Variants in PHACTR1 observed in about 807,000 individuals in gnomAD.
PHACTR1 encodes the protein RPEL repeat containing 1.
Under a neutral mutation model 69.2 loss-of-function variants are expected in PHACTR1, and 16 were observed. The observed-to-expected ratio is 0.23, with a 90% CI of 0.16 to 0.35. PHACTR1 has a LOEUF of 0.35. PHACTR1 is among the 10% of genes least tolerant of loss of function. PHACTR1 has a pLI of 1.00. For missense variants in PHACTR1, 510 were observed against 734.7 expected (o/e 0.69, Z 3.54); for synonymous variants, 312 against 284.5 (o/e 1.10, Z -0.97).
chr6:12,858,791 A>G (rs1302084172), intron 4 of PHACTR1, among the ~76,000 whole-genome samples: 3 of 140,750 alleles, frequency 2.1e-5, no homozygotes, highest in African/African-American at 5.1e-5. Context: ...CTTAAAAAAA[A>G]GAGCCAACAC....
At chr6:12,920,002 A>G (rs1787462688) in intron 4 of PHACTR1, among the ~76,000 whole-genome samples, 1 of 152,194 alleles carries the variant, frequency 6.6e-6, no homozygotes, top group Non-Finnish European at 1.5e-5. Context: ...TTCATCTTCA[A>G]AACATTGTAA....
At chr6:13,249,752 T>C (rs1001064420) in intron 10 of PHACTR1, among the ~76,000 whole-genome samples, 1 of 147,990 alleles carries the variant, frequency 6.8e-6, no homozygotes, top group Admixed American at 6.9e-5. Flanking sequence ...TGAGCCAAGA[T>C]TGCACCACTG....
chr6:12,935,768 T>G (rs1166383713), intron 4 of PHACTR1, among the ~76,000 whole-genome samples: 1 of 152,120 alleles, frequency 6.6e-6, no homozygotes, highest in East Asian at 1.9e-4. Flanking sequence ...TCTTATTGTA[T>G]TTCCATCTAA....
chr6:13,283,775 G>A lies in PHACTR1; in HGVS notation c.1650+213G>A. 1 of 647,424 alleles carries A rather than the reference G, an allele frequency of 1.5e-6. No individual in the cohort carries two copies. The highest frequency in any genetic ancestry group is 2.6e-6 in the Non-Finnish European group (1 of 386,534). The allele number at this position is 647,424 out of a possible 1,614,324, so 40.1% of individuals were successfully genotyped here. Reference sequence around the variant, plus strand: ...GAGAAAACACAAGGCACATAATACTGTGCCCATTTTACAGGAGGAGGAGCA... The same window carrying A: ...GAGAAAACACAAGGCACATAATACTATGCCCATTTTACAGGAGGAGGAGCA... On this transcript the variant is annotated intron_variant, in intron 13 of 14. Coordinates refer to ENST00000332995, the MANE Select transcript of PHACTR1 (RefSeq NM_030948.6). This position sits in a 1 kb window ranked among gnomAD's most constrained non-coding sequence, Gnocchi z 4.7.
intron 4 of PHACTR1, among the ~76,000 whole-genome samples, chr6:13,008,157 A>G (rs1799031354): frequency 6.6e-6 from 1 of 152,220 alleles, no homozygotes; most frequent in African/African-American, 2.4e-5. Context: ...AGATTTGATC[A>G]AGAGATAATA....
At chr6:13,086,833 A>G (rs965189519) in intron 5 of PHACTR1, among the ~76,000 whole-genome samples, 12 of 152,166 alleles carry the variant, frequency 7.9e-5, no homozygotes, top group Admixed American at 2.0e-4. Flanking sequence ...GGTATGTTTA[A>G]CTTTATAAGA....
chr6:12,784,216 A>G (rs767248104), intron 4 of PHACTR1, among the ~76,000 whole-genome samples: 5 of 152,042 alleles, frequency 3.3e-5, no homozygotes, highest in Non-Finnish European at 5.9e-5. Flanking sequence ...ACACACATAT[A>G]CATGATGATA....
At chr6:12,827,012 T>C (rs1776873085) in intron 4 of PHACTR1, among the ~76,000 whole-genome samples, 1 of 152,208 alleles carries the variant, frequency 6.6e-6, no homozygotes. Flanking sequence ...TTGTTGCAAT[T>C]CTGTGGGATA....
chr6:13,194,643 A>G (rs902567508), intron 7 of PHACTR1, among the ~76,000 whole-genome samples: 3 of 152,188 alleles, frequency 2.0e-5, no homozygotes, highest in Admixed American at 6.5e-5. Flanking sequence ...TTGCCAAGAC[A>G]GAAGATTTTA....
chr6:13,147,307 G>A (rs1350684325), intron 5 of PHACTR1, among the ~76,000 whole-genome samples: 2 of 152,206 alleles, frequency 1.3e-5, no homozygotes, highest in Non-Finnish European at 2.9e-5. Context: ...AATGGAATCT[G>A]TAAGTTGTAA....
chr6:13,112,729 G>GT (rs1243177367), intron 5 of PHACTR1, among the ~76,000 whole-genome samples: 2 of 151,836 alleles, frequency 1.3e-5, no homozygotes, highest in Non-Finnish European at 2.9e-5. Context: ...AGGTTGTTTT[G>GT]TTTTTTTCTT....
chr6:12,830,208 G>T (rs936868541), intron 4 of PHACTR1, among the ~76,000 whole-genome samples: 5 of 151,754 alleles, frequency 3.3e-5, no homozygotes, highest in Non-Finnish European at 7.4e-5. Context: ...ACAACTAAGT[G>T]AAGGCTGAAA....
chr6:12,867,574 C>T (rs953501632), intron 4 of PHACTR1, among the ~76,000 whole-genome samples: 3 of 152,148 alleles, frequency 2.0e-5, no homozygotes, highest in Non-Finnish European at 2.9e-5. Flanking sequence ...TTTGACAAGG[C>T]GCTAATGAAT....
At chr6:13,226,212 T>C (rs1769656225) in intron 8 of PHACTR1, among the ~76,000 whole-genome samples, 1 of 152,262 alleles carries the variant, frequency 6.6e-6, no homozygotes, top group South Asian at 2.1e-4. Context: ...AACTAGATTT[T>C]TCCATTTGTG....
At chr6:12,954,053 A>G (rs903131882) in intron 4 of PHACTR1, among the ~76,000 whole-genome samples, 1 of 152,234 alleles carries the variant, frequency 6.6e-6, no homozygotes, top group Non-Finnish European at 1.5e-5. Context: ...GAAAAACTAC[A>G]GGAAACAGTT....
intron 3 of PHACTR1, among the ~76,000 whole-genome samples, chr6:12,729,868 C>A (rs531013186): frequency 8.5e-5 from 13 of 152,142 alleles, no homozygotes; most frequent in African/African-American, 3.1e-4. Context: ...CCTGATTATG[C>A]GGTGACAAAG....
At chr6:13,092,416 T>G (rs768049691) in intron 5 of PHACTR1, among the ~76,000 whole-genome samples, 14 of 152,204 alleles carry the variant, frequency 9.2e-5, no homozygotes, top group Non-Finnish European at 1.8e-4. Flanking sequence ...CAGGCAGATG[T>G]CATTCCTGCT....
rs562214502 is a variant in PHACTR1, at chr6:13,157,282, A to G, written c.416-2922A>G. On this transcript the variant is annotated intron_variant, in intron 5 of 14. Coordinates refer to ENST00000332995, the MANE Select transcript of PHACTR1 (RefSeq NM_030948.6). The stretch of plus-strand genomic sequence containing the variant: ...TCAGAAAAGCCTTTTCCAACACCCC[A>G]ATCAGGGACAATATTTACCATATGC... 1.1e-4 allele frequency among the ~76,000 whole-genome samples: 17 copies of G among 152,248 alleles called. 1 individual carries two copies. In the South Asian group the frequency reaches 3.3e-3, roughly 30 times the overall value.
At chr6:13,281,132 C>G (rs1368275487) in intron 12 of PHACTR1, 1 of 1,288,174 alleles carries the variant, frequency 7.8e-7, no homozygotes, top group African/African-American at 1.5e-5. Context: ...AGCATTTATG[C>G]TTAGTCTTCG....
Sources: allele counts gnomAD v4.1 joint callset (sites outside exome capture counted in the v4.1 genomes callset), GRCh38; gene constraint gnomAD v4.1.1; non-coding constraint Gnocchi (gnomAD v3.1); transcripts MANE v1.5; gene names NCBI Gene and HGNC (gene_info 2026-07-23, HGNC 2026-07-21).